Variants in LCLAT1 observed in about 807,000 individuals in gnomAD.
LCLAT1 encodes lysocardiolipin acyltransferase 1.
In LCLAT1, 11 loss-of-function variants were observed where a neutral mutation model predicts 30.7. The ratio of observed to expected loss-of-function variants is 0.36; its 90% CI spans 0.23 to 0.59. The LOEUF is 0.59. Among genes scored for constraint, LCLAT1 ranks in the 20% least tolerant of loss-of-function variants. The pLI is 0.77. For missense variants in LCLAT1, 402 were observed against 458.6 expected (o/e 0.88, Z 1.13); for synonymous variants, 155 against 151.3 (o/e 1.02, Z -0.18).
chr2:30,449,594 G>A (rs377495106), intron 1 of LCLAT1, among the ~76,000 whole-genome samples: 9 of 151,498 alleles, frequency 5.9e-5, no homozygotes, highest in Non-Finnish European at 1.2e-4. Flanking sequence ...TCTGCCTCCC[G>A]GGTTCAAGCG....
intron 5 of LCLAT1, among the ~76,000 whole-genome samples, chr2:30,629,967 C>T (rs145081193): frequency 3.2e-4 from 48 of 151,594 alleles, no homozygotes; most frequent in African/African-American, 1.1e-3. Context: ...ATGTTATGTA[C>T]GTATTTGTCT....
At chr2:30,576,006 A>C (rs2148460087) in intron 5 of LCLAT1, among the ~76,000 whole-genome samples, 1 of 152,258 alleles carries the variant, frequency 6.6e-6, no homozygotes, top group Admixed American at 6.5e-5. Context: ...ATTAATAAAA[A>C]ATTTTGAAAA....
intron 4 of LCLAT1, among the ~76,000 whole-genome samples, chr2:30,563,474 A>G (rs1161854848): frequency 6.6e-6 from 1 of 152,194 alleles, no homozygotes; most frequent in Non-Finnish European, 1.5e-5. Flanking sequence ...TCAAAAGACT[A>G]AAATGTACCT....
chr2:30,611,950 C>A (rs578148798), intron 5 of LCLAT1, among the ~76,000 whole-genome samples: 10 of 151,956 alleles, frequency 6.6e-5, no homozygotes, highest in Admixed American at 5.9e-4. Flanking sequence ...AATGCCAGCT[C>A]TGTGAAATTT....
rs192155516 is a variant in LCLAT1 at position 30,467,114 on chromosome 2, G to A, written c.-5+19731G>A. Among the ~76,000 whole-genome samples, 849 of 151,670 alleles carry A rather than the reference G, an allele frequency of 5.6e-3. 10 individuals carry two copies. The highest frequency in any genetic ancestry group is 1.0e-2 in the Admixed American group (152 of 15,236). On this transcript the variant is annotated intron_variant, in intron 1 of 5. Transcript: ENST00000379509. The stretch of plus-strand genomic sequence containing the variant: ...CTCCCCCGACCCCACGACAGGCCCC[G>A]ATGTGTGATGTTCCCCTTCCCGTGT...
At chr2:30,507,592 T>G (rs1305830770) in intron 1 of LCLAT1, among the ~76,000 whole-genome samples, 1 of 152,224 alleles carries the variant, frequency 6.6e-6, no homozygotes, top group Non-Finnish European at 1.5e-5. Flanking sequence ...GTTAGTTTGC[T>G]TAGGATAATG....
At chr2:30,509,085 A>G (rs1488315134) in intron 1 of LCLAT1, among the ~76,000 whole-genome samples, 1 of 152,128 alleles carries the variant, frequency 6.6e-6, no homozygotes, top group Non-Finnish European at 1.5e-5. Flanking sequence ...TTGTTGGTAT[A>G]TAGGAATATT....
At position 30,542,748 on chromosome 2, in the gene LCLAT1, A is replaced by T. The variant is rs367711292; in HGVS notation, c.364+9434A>T. 5.3e-5 allele frequency among the ~76,000 whole-genome samples: 8 copies of T among 152,004 alleles called. No homozygotes were observed. The East Asian group carries it at 1.2e-3, about 22-fold the overall frequency. On this transcript the variant is annotated intron_variant, in intron 3 of 5. Coordinates refer to ENST00000379509, the MANE Select transcript of LCLAT1 (RefSeq NM_001002257.3). Reference sequence around the variant, plus strand: ...TTTGATTTGTTTCTGAATATTTTTGATTGATGCTATTTTGGAGTTGTTTTA... The same window carrying T: ...TTTGATTTGTTTCTGAATATTTTTGTTTGATGCTATTTTGGAGTTGTTTTA...
At chr2:30,575,516 G>T (rs75876809) in intron 5 of LCLAT1, among the ~76,000 whole-genome samples, 44 of 152,188 alleles carry the variant, frequency 2.9e-4, no homozygotes, top group Non-Finnish European at 4.4e-4. Flanking sequence ...AATTTATATG[G>T]AGTCCTTTCA....
intron 5 of LCLAT1, among the ~76,000 whole-genome samples, chr2:30,575,549 G>A (rs1198899296): frequency 6.6e-6 from 1 of 152,076 alleles, no homozygotes; most frequent in Non-Finnish European, 1.5e-5. Context: ...TGAGATTTAT[G>A]GCAGTGCCAG....
At position 30,495,451 on chromosome 2, in the gene LCLAT1, A is replaced by G. The variant is rs562084831; in HGVS notation, c.-4-30136A>G. Among the ~76,000 whole-genome samples, 25 of 152,300 alleles carry G rather than the reference A, an allele frequency of 1.6e-4. No individual in the cohort carries two copies. In the Middle Eastern group the frequency reaches 0.01, roughly 62 times the overall value. On this transcript the variant is annotated intron_variant, in intron 1 of 5. Transcript: ENST00000379509. ...TGAAAATTTTTACCCCATAAGTAAA[A>G]TGAATCAATATAGTAATAATTCTCT...
intron 5 of LCLAT1, among the ~76,000 whole-genome samples, chr2:30,601,248 G>T (rs1157621708): frequency 6.6e-6 from 1 of 152,126 alleles, no homozygotes; most frequent in Non-Finnish European, 1.5e-5. Flanking sequence ...TTAACTCAGT[G>T]AAGTTCATTA....
chr2:30,465,705 A>G (rs572612383), intron 1 of LCLAT1, among the ~76,000 whole-genome samples: 30 of 152,342 alleles, frequency 2.0e-4, no homozygotes, highest in South Asian at 1.0e-3. Context: ...GTTAACCTCA[A>G]TAGTAAAGTT....
At chr2:30,510,392 G>A (rs1684883026) in intron 1 of LCLAT1, among the ~76,000 whole-genome samples, 1 of 152,140 alleles carries the variant, frequency 6.6e-6, no homozygotes, top group Non-Finnish European at 1.5e-5. Flanking sequence ...GAATCTTAAA[G>A]TTTTTGTTCT....
chr2:30,566,814 T>C (rs547075268), intron 4 of LCLAT1, among the ~76,000 whole-genome samples: 1 of 152,304 alleles, frequency 6.6e-6, no homozygotes, highest in African/African-American at 2.4e-5. Context: ...TTCTTGGAAC[T>C]TGTAAAGTTA....
chr2:30,608,300 C>CAAAA (rs534141767), intron 5 of LCLAT1, among the ~76,000 whole-genome samples: 1 of 108,414 alleles, frequency 9.2e-6, no homozygotes. Context: ...GACTCCATCT[C>CAAAA]AAAAAAAAAA....
intron 5 of LCLAT1, among the ~76,000 whole-genome samples, chr2:30,623,830 A>G (rs1668385252): frequency 6.6e-6 from 1 of 152,228 alleles, no homozygotes. Flanking sequence ...TGAAGTCAAG[A>G]TGAAAGAAAG....
At chr2:30,490,369 A>AT (rs1391993626) in intron 1 of LCLAT1, among the ~76,000 whole-genome samples, 1 of 151,684 alleles carries the variant, frequency 6.6e-6, no homozygotes, top group Non-Finnish European at 1.5e-5. Context: ...CACCTGGCTA[A>AT]TTTTTTGTAT....
intron 5 of LCLAT1, among the ~76,000 whole-genome samples, chr2:30,586,590 G>C (rs969187380): frequency 6.6e-6 from 1 of 152,114 alleles, no homozygotes; most frequent in Admixed American, 6.5e-5. Context: ...ACATTCTGGG[G>C]TTCCAGTAAA....
Sources: allele counts gnomAD v4.1 joint callset (sites outside exome capture counted in the v4.1 genomes callset), GRCh38; gene constraint gnomAD v4.1.1; transcripts MANE v1.5; gene names NCBI Gene and HGNC (gene_info 2026-07-23, HGNC 2026-07-21).